RIMBP2: variants seen among roughly 807,000 people sequenced by gnomAD.
The protein encoded by RIMBP2 is RIMS-binding protein 2.
In RIMBP2, 48 loss-of-function variants were observed where a neutral mutation model predicts 118.6. The observed-to-expected ratio is 0.40, with a 90% CI of 0.32 to 0.51. The LOEUF (loss-of-function observed/expected upper bound fraction) is 0.51, where lower values mean the gene tolerates loss of function less well. Among genes scored for constraint, RIMBP2 ranks in the 20% least tolerant of loss-of-function variants. The pLI is 0.41. For synonymous variants in RIMBP2, 762 were observed against 742.9 expected (o/e 1.03, Z -0.42); for missense variants, 1,551 against 1,768.3 (o/e 0.88, Z 2.20).
intron 4 of RIMBP2, among the ~76,000 whole-genome samples, chr12:130,489,205 G>A (rs771686475): frequency 4.6e-5 from 7 of 152,256 alleles, no homozygotes; most frequent in South Asian, 4.1e-4. Flanking sequence ...ACTGGTAGAC[G>A]GTGGCTTGTC....
At chr12:130,549,424 C>T (rs770904629) in intron 2 of RIMBP2, among the ~76,000 whole-genome samples, 1 of 152,064 alleles carries the variant, frequency 6.6e-6, no homozygotes, top group African/African-American at 2.4e-5. Context: ...CACAGGTAAA[C>T]TCATATCACA....
At chr12:130,532,845 G>C (rs575411981) in intron 2 of RIMBP2, among the ~76,000 whole-genome samples, 10 of 151,394 alleles carry the variant, frequency 6.6e-5, no homozygotes, top group African/African-American at 1.9e-4. Flanking sequence ...AGATGCGTGT[G>C]TTTAGCCTCT....
At chr12:130,490,916 G>C (rs1328717530) in intron 4 of RIMBP2, among the ~76,000 whole-genome samples, 1 of 152,162 alleles carries the variant, frequency 6.6e-6, no homozygotes, top group Non-Finnish European at 1.5e-5. Flanking sequence ...GGTGGGGAGC[G>C]AAGTGGGAAG....
chr12:130,693,405 G>A (rs1017797206), intron 1 of RIMBP2, among the ~76,000 whole-genome samples: 2 of 151,846 alleles, frequency 1.3e-5, no homozygotes, highest in South Asian at 2.1e-4. Context: ...ATGGGGGGTC[G>A]CCTTGAGGAT....
intron 2 of RIMBP2, among the ~76,000 whole-genome samples, chr12:130,597,290 C>T (rs2059617715): frequency 1.3e-5 from 2 of 152,254 alleles, no homozygotes. Flanking sequence ...GTCTCCCAGG[C>T]TGGAGTGCAG....
chr12:130,621,821 T>C lies in RIMBP2; in HGVS notation c.-217+6501A>G, dbSNP rs2061332243. Among the ~76,000 whole-genome samples, 1 of 152,164 alleles carries C rather than the reference T, an allele frequency of 6.6e-6. No homozygotes were observed. The highest frequency in any genetic ancestry group is 2.4e-5 in the African/African-American group (1 of 41,438). The stretch of plus-strand genomic sequence containing the variant: ...TTTGTACTCTACCCTTTTACTGCCC[T>C]TGAAGGTAAACCTGGAGCCATCGCT... On this transcript the variant is annotated intron_variant, in intron 2 of 22. Transcript: ENST00000690449. This position sits in a 1 kb window ranked among gnomAD's most constrained non-coding sequence, Gnocchi z 6.6.
chr12:130,451,726 C>T (rs1268328290), intron 7 of RIMBP2, among the ~76,000 whole-genome samples: 6 of 152,242 alleles, frequency 3.9e-5, no homozygotes, highest in Non-Finnish European at 8.8e-5. Context: ...CACGTGAGGA[C>T]GGCGCCTGCT....
intron 2 of RIMBP2, among the ~76,000 whole-genome samples, chr12:130,552,348 CT>C (rs2055883329): frequency 6.6e-6 from 1 of 152,136 alleles, no homozygotes. Flanking sequence ...ATCATGTTTT[CT>C]TTCCAAAAGT....
At chr12:130,685,137 C>G (rs534327350) in intron 1 of RIMBP2, among the ~76,000 whole-genome samples, 7 of 152,218 alleles carry the variant, frequency 4.6e-5, no homozygotes, top group African/African-American at 1.7e-4. Flanking sequence ...ATCTCCCCCA[C>G]ACCGGGGACA....
At chr12:130,573,766 C>G (rs532983237) in intron 2 of RIMBP2, among the ~76,000 whole-genome samples, 2 of 152,026 alleles carry the variant, frequency 1.3e-5, no homozygotes, top group African/African-American at 4.8e-5. Flanking sequence ...ATGACACAGC[C>G]GAGCTGCCAA....
At chr12:130,409,862 A>C (rs1057139678) in intron 19 of RIMBP2, among the ~76,000 whole-genome samples, 1 of 152,204 alleles carries the variant, frequency 6.6e-6, no homozygotes, top group Non-Finnish European at 1.5e-5. Flanking sequence ...ATTCATGTAC[A>C]GTTTTTTTGT....
intron 2 of RIMBP2, among the ~76,000 whole-genome samples, chr12:130,553,304 C>A (rs529568859): frequency 9.8e-4 from 149 of 152,254 alleles, no homozygotes; most frequent in African/African-American, 3.5e-3. Flanking sequence ...TAACAATTAA[C>A]ACCTATCAAA....
intron 2 of RIMBP2, among the ~76,000 whole-genome samples, chr12:130,556,421 G>T (rs1032625868): frequency 6.6e-6 from 1 of 152,220 alleles, no homozygotes; most frequent in Admixed American, 6.5e-5. Flanking sequence ...TCGGGAAGTG[G>T]TACCAATCAG....
At chr12:130,418,244 T>A (rs898332631) in intron 17 of RIMBP2, among the ~76,000 whole-genome samples, 1 of 152,254 alleles carries the variant, frequency 6.6e-6, no homozygotes, top group African/African-American at 2.4e-5. Flanking sequence ...TGTCAGTAAT[T>A]TCTGCCAGGG....
At chr12:130,425,853 T>G (rs1566012318) in intron 15 of RIMBP2, 1 of 152,332 alleles carries the variant, frequency 6.6e-6, no homozygotes. Context: ...CTGTCCCCCC[T>G]CTTGCTGTGG....
chr12:130,701,405 T>C (rs2065846903), intron 1 of RIMBP2, among the ~76,000 whole-genome samples: 2 of 152,190 alleles, frequency 1.3e-5, no homozygotes, highest in African/African-American at 4.8e-5. Context: ...ACATCACACG[T>C]GGAACTGCTT....
intron 1 of RIMBP2, among the ~76,000 whole-genome samples, chr12:130,659,611 T>G (rs2063569201): frequency 6.6e-6 from 1 of 151,366 alleles, no homozygotes; most frequent in African/African-American, 2.4e-5. Context: ...AAACTAATTT[T>G]CATATTTTAT....
intron 2 of RIMBP2, among the ~76,000 whole-genome samples, chr12:130,619,708 C>G (rs912995529): frequency 1.3e-5 from 2 of 152,184 alleles, no homozygotes; most frequent in African/African-American, 4.8e-5. Context: ...AAAGAGTAAG[C>G]TCTAGCTGTG....
Position 130,423,511 on chromosome 12 carries a change from C to G in RIMBP2, c.3129+631G>C, listed in dbSNP as rs547495579. On this transcript the variant is annotated intron_variant, in intron 16 of 22. Transcript: ENST00000690449. ...GACACAATATAGAGATGAATGAAGC[C>G]TTCAATGAATCCCTATGCTCAAAAC... is the stretch of plus-strand genomic sequence containing the variant. Among the ~76,000 whole-genome samples, 222 of 152,136 alleles carry G rather than the reference C, an allele frequency of 1.5e-3. 1 individual carries two copies. The highest frequency in any genetic ancestry group is 1.4e-3 in the Non-Finnish European group (97 of 68,020).
Sources: gnomAD v4.1 joint callset for allele counts (sites outside exome capture counted in the v4.1 genomes callset) on GRCh38, gnomAD v4.1.1 for gene constraint, Gnocchi (gnomAD v3.1) non-coding constraint, MANE v1.5 for transcripts, NCBI Gene and HGNC (gene_info 2026-07-23, HGNC 2026-07-21) for gene names.